Variants in CPNE1 observed in about 807,000 individuals in gnomAD.
CPNE1 encodes the protein copine 1.
A neutral mutation model predicts 63.2 loss-of-function variants in CPNE1; 58 were observed. The observed-to-expected ratio is 0.92, with a 90% CI of 0.74 to 1.14. CPNE1 has a LOEUF of 1.14. CPNE1 is among the 50% of genes most tolerant of loss of function. The pLI is 0.00. For synonymous variants in CPNE1, 237 were observed against 249.0 expected (o/e 0.95, Z 0.45); for missense variants, 672 against 661.7 (o/e 1.02, Z -0.17).
At chr20:35,660,208 T>G (rs1026162762) in intron 1 of CPNE1, among the ~76,000 whole-genome samples, 1 of 152,194 alleles carries the variant, frequency 6.6e-6, no homozygotes, top group African/African-American at 2.4e-5. Flanking sequence ...GCCTCTTTTT[T>G]TTTTCTTTTT....
At chr20:35,652,496 T>C (rs1435147393) in intron 1 of CPNE1, 1 of 1,589,504 alleles carries the variant, frequency 6.3e-7, no homozygotes, top group Non-Finnish European at 8.6e-7. Flanking sequence ...AATATGAAGA[T>C]CTACCCTATA....
intron 1 of CPNE1, chr20:35,655,413 A>G: frequency 1.5e-6 from 2 of 1,320,572 alleles, no homozygotes; most frequent in Non-Finnish European, 2.1e-6. Context: ...AGCTACAAGA[A>G]TGACCAGCTA....
chr20:35,627,892 C>T (rs146292147), intron 13 of CPNE1, among the ~76,000 whole-genome samples: 2,931 of 152,106 alleles, frequency 0.019, 110 homozygotes, highest in African/African-American at 0.067. Flanking sequence ...TGCCTGTAGT[C>T]CCAGCTACTC....
At chr20:35,638,595 CA>C in intron 1 of CPNE1, among the ~76,000 whole-genome samples, 1 of 150,108 alleles carries the variant, frequency 6.7e-6, no homozygotes, top group Non-Finnish European at 1.5e-5. Flanking sequence ...GGCAGCTTAT[CA>C]AAAAACCTAA....
chr20:35,632,405 G>C lies in CPNE1; in HGVS notation c.310-20C>G. 6.2e-7 allele frequency: 1 copy of C among 1,613,102 alleles called. No homozygotes were observed. The highest frequency in any genetic ancestry group is 8.5e-7 in the Non-Finnish European group (1 of 1,179,154). On this transcript the variant is annotated intron_variant, in intron 3 of 15. Transcript: ENST00000397443. ...CACAATCTGGGGAAAAGCAGGGAAGGGAGTTTCAGGATAACAGGCAGGGTT... is the reference window on the plus strand; with the variant it reads ...CACAATCTGGGGAAAAGCAGGGAAGCGAGTTTCAGGATAACAGGCAGGGTT...
At chr20:35,641,569 G>A (rs1044688097) in intron 1 of CPNE1, among the ~76,000 whole-genome samples, 3 of 152,186 alleles carry the variant, frequency 2.0e-5, no homozygotes, top group African/African-American at 4.8e-5. Flanking sequence ...TATTTCTGAA[G>A]ATTAATATAA....
At chr20:35,630,588 A>T in intron 12 of CPNE1, 98 bp from the exon 13 acceptor site, 1 of 1,472,170 alleles carries the variant, frequency 6.8e-7, no homozygotes, top group Non-Finnish European at 9.5e-7. Flanking sequence ...GGAGCTATGG[A>T]GTCCTGAGCA....
At chr20:35,653,901 G>A (rs139156955) in intron 1 of CPNE1, 180 of 1,613,998 alleles carry the variant, frequency 1.1e-4, no homozygotes, top group Non-Finnish European at 1.5e-4. Flanking sequence ...ACTCTACAAA[G>A]CCTTCGCCAG....
At chr20:35,627,187 CAAAAA>C (rs746796889) in intron 14 of CPNE1, 88 bp downstream of exon 14, 375 of 535,954 alleles carry the variant, frequency 7.0e-4, no homozygotes, top group Admixed American at 1.0e-3. Flanking sequence ...GAGTCCATCT[CAAAAA>C]AAAAAAAAAA....
intron 13 of CPNE1, among the ~76,000 whole-genome samples, chr20:35,629,591 T>A (rs1160368427): frequency 6.6e-6 from 1 of 152,104 alleles, no homozygotes; most frequent in East Asian, 1.9e-4. Context: ...CAATTTCCTA[T>A]GTTTAGTCTT....
At chr20:35,651,911 A>T (rs1012544395) in intron 1 of CPNE1, 1 of 152,606 alleles carries the variant, frequency 6.6e-6, no homozygotes, top group African/African-American at 2.4e-5. Context: ...CCAACAAAAC[A>T]GTTCTGCTCA....
Position 35,626,055 on chromosome 20 carries a change from T to C in CPNE1, c.*186A>G. Reference sequence around the variant, plus strand: ...GTGGTGGCAAAGCATTGGTCTTCACTGGTCTTTATTGAATGAGGGTTGTCA... The same window carrying C: ...GTGGTGGCAAAGCATTGGTCTTCACCGGTCTTTATTGAATGAGGGTTGTCA... On this transcript the variant is annotated 3_prime_UTR_variant, in exon 16 of 16. Transcript: ENST00000397443. 1 of 685,244 alleles carries C rather than the reference T, an allele frequency of 1.5e-6. No homozygotes were observed. The highest frequency in any genetic ancestry group is 2.6e-6 in the Non-Finnish European group (1 of 383,150). 42.4% of individuals were successfully genotyped at this position (685,244 alleles called of 1,614,324 possible). A position where few individuals can be genotyped will look rare whatever the true frequency, so the allele number is the denominator to read the frequency against.
intron 1 of CPNE1, among the ~76,000 whole-genome samples, chr20:35,658,154 A>C (rs1184858750): frequency 6.6e-6 from 1 of 152,192 alleles, no homozygotes; most frequent in Admixed American, 6.5e-5. Context: ...ATTTCAACCT[A>C]ACTTGGGCCT....
At chr20:35,659,900 G>C (rs1484774748) in intron 1 of CPNE1, among the ~76,000 whole-genome samples, 1 of 151,812 alleles carries the variant, frequency 6.6e-6, no homozygotes, top group Non-Finnish European at 1.5e-5. Flanking sequence ...GAAGAAATTT[G>C]CCACTGTTCA....
intron 1 of CPNE1, chr20:35,653,882 C>A: frequency 6.2e-7 from 1 of 1,614,128 alleles, no homozygotes; most frequent in Non-Finnish European, 8.5e-7. Flanking sequence ...TAGTCAGCCT[C>A]ATTTCTGAAC....
chr20:35,643,733 A>G (rs1281362773), intron 1 of CPNE1, among the ~76,000 whole-genome samples: 1 of 152,130 alleles, frequency 6.6e-6, no homozygotes, highest in African/African-American at 2.4e-5. Flanking sequence ...CTCTGTTGCG[A>G]AAACAAAAAA....
chr20:35,658,090 A>T (rs1416780466), intron 1 of CPNE1, among the ~76,000 whole-genome samples: 4 of 151,412 alleles, frequency 2.6e-5, no homozygotes, highest in African/African-American at 9.7e-5. Context: ...TTAAAAAAAA[A>T]TTTAAAAAAG....
At chr20:35,643,250 A>G (rs1298066194) in intron 1 of CPNE1, 1 of 159,920 alleles carries the variant, frequency 6.3e-6, no homozygotes, top group Non-Finnish European at 1.5e-5. Context: ...ACCGCTCCAC[A>G]TGCATCTGTC....
At chr20:35,643,300 AGAG>A (rs1381776213) in intron 1 of CPNE1, 1 of 153,470 alleles carries the variant, frequency 6.5e-6, no homozygotes, top group South Asian at 2.1e-4. Context: ...CATCCCTGAG[AGAG>A]GAGGACTGGT....
Sources: gnomAD v4.1 joint callset for allele counts (sites outside exome capture counted in the v4.1 genomes callset) on GRCh38, gnomAD v4.1.1 for gene constraint, MANE v1.5 for transcripts, NCBI Gene and HGNC (gene_info 2026-07-23, HGNC 2026-07-21) for gene names.